Variants in GALNT13 observed in about 807,000 individuals in gnomAD.
GALNT13 encodes the protein polypeptide N-acetylgalactosaminyltransferase 13.
In GALNT13, 28 loss-of-function variants were observed where a neutral mutation model predicts 64.2. That is an observed-to-expected ratio of 0.44 (90% CI 0.32 to 0.60). The LOEUF (loss-of-function observed/expected upper bound fraction) is 0.60. GALNT13 is among the 20% of genes least tolerant of loss of function. The pLI is 0.05. For missense variants in GALNT13, 577 were observed against 669.8 expected (o/e 0.86, Z 1.53); for synonymous variants, 214 against 224.6 (o/e 0.95, Z 0.42).
intron 4 of GALNT13, among the ~76,000 whole-genome samples, chr2:154,179,293 G>A (rs1328018310): frequency 6.6e-6 from 1 of 151,950 alleles, no homozygotes. Flanking sequence ...TATTTTCCTA[G>A]CATATAGTAA....
At chr2:153,442,913 T>A in the GALNT13 span, among the ~76,000 whole-genome samples, 1 of 152,182 alleles carries the variant, frequency 6.6e-6, no homozygotes, top group Non-Finnish European at 1.5e-5. Context: ...AGCTCGAGTG[T>A]CCCTGGTTGA....
chr2:154,092,694 AT>A (rs535664423), intron 3 of GALNT13, among the ~76,000 whole-genome samples: 9 of 152,200 alleles, frequency 5.9e-5, no homozygotes, highest in African/African-American at 2.2e-4. Flanking sequence ...AGAAATTTAC[AT>A]TTACAGAGAA....
chr2:154,009,145 T>C (rs1696453772), intron 3 of GALNT13, among the ~76,000 whole-genome samples: 2 of 150,390 alleles, frequency 1.3e-5, no homozygotes, highest in Non-Finnish European at 2.9e-5. Flanking sequence ...ATTTATTGAA[T>C]AGAAAGTCCT....
At chr2:153,711,775 C>T in the GALNT13 span, among the ~76,000 whole-genome samples, 12 of 152,098 alleles carry the variant, frequency 7.9e-5, no homozygotes, top group Admixed American at 2.0e-4. Flanking sequence ...TAATAAGGGT[C>T]CATCCCCTCT....
At chr2:154,201,497 G>A (rs1449665785) in intron 4 of GALNT13, among the ~76,000 whole-genome samples, 2 of 152,028 alleles carry the variant, frequency 1.3e-5, no homozygotes, top group East Asian at 1.9e-4. Flanking sequence ...CACATGCATA[G>A]CATCACCTTC....
the GALNT13 span, among the ~76,000 whole-genome samples, chr2:153,533,948 G>A: frequency 6.6e-6 from 1 of 150,784 alleles, no homozygotes; most frequent in Non-Finnish European, 1.5e-5. Flanking sequence ...ATATTGCCCA[G>A]GCAGGTCTCG....
the GALNT13 span, among the ~76,000 whole-genome samples, chr2:153,193,286 C>T: frequency 6.6e-6 from 1 of 151,686 alleles, no homozygotes; most frequent in Non-Finnish European, 1.5e-5. Flanking sequence ...ATGATGAGTT[C>T]ATGTCCTTTG....
At chr2:153,809,407 T>C in the GALNT13 span, among the ~76,000 whole-genome samples, 1 of 152,312 alleles carries the variant, frequency 6.6e-6, no homozygotes, top group African/African-American at 2.4e-5. Flanking sequence ...TCTCTGTGAT[T>C]CTCTTGGCTG....
chr2:153,637,340 A>T, the GALNT13 span, among the ~76,000 whole-genome samples: 1 of 152,154 alleles, frequency 6.6e-6, no homozygotes, highest in African/African-American at 2.4e-5. Flanking sequence ...TAATTAACTA[A>T]CAGTACCTCA....
At chr2:153,490,895 G>C in the GALNT13 span, among the ~76,000 whole-genome samples, 1 of 151,412 alleles carries the variant, frequency 6.6e-6, no homozygotes, top group Non-Finnish European at 1.5e-5. Context: ...AGGACCCAGA[G>C]GTTGCAATGA....
chr2:153,288,409 T>C, the GALNT13 span, among the ~76,000 whole-genome samples: 1 of 152,204 alleles, frequency 6.6e-6, no homozygotes, highest in African/African-American at 2.4e-5. Context: ...TGAAAATAAA[T>C]TTAAAATTCT....
At chr2:154,235,083 G>A (rs1368512129) in intron 4 of GALNT13, among the ~76,000 whole-genome samples, 4 of 152,052 alleles carry the variant, frequency 2.6e-5, no homozygotes, top group South Asian at 2.1e-4. Flanking sequence ...TATTTCCAAT[G>A]GAAGCCAAGA....
chr2:153,440,403 A>G, the GALNT13 span, among the ~76,000 whole-genome samples: 4 of 152,174 alleles, frequency 2.6e-5, no homozygotes, highest in African/African-American at 4.8e-5. Flanking sequence ...CAGTGTTGCA[A>G]TAAACATATG....
At chr2:153,297,485 C>T in the GALNT13 span, among the ~76,000 whole-genome samples, 9 of 152,092 alleles carry the variant, frequency 5.9e-5, no homozygotes, top group Non-Finnish European at 1.0e-4. Context: ...ATTCAGCACA[C>T]AACAGGGAGG....
the GALNT13 span, among the ~76,000 whole-genome samples, chr2:153,313,818 C>T: frequency 6.6e-6 from 1 of 152,284 alleles, no homozygotes; most frequent in East Asian, 1.9e-4. Context: ...GTAAAAATTA[C>T]ATCGGCATTT....
At chr2:153,263,893 A>G in the GALNT13 span, among the ~76,000 whole-genome samples, 1 of 152,234 alleles carries the variant, frequency 6.6e-6, no homozygotes, top group Non-Finnish European at 1.5e-5. Flanking sequence ...ACAATCAAAG[A>G]TTTCATGATG....
chr2:154,248,566 T>C (rs1273577804), intron 7 of GALNT13, among the ~76,000 whole-genome samples: 1 of 150,362 alleles, frequency 6.7e-6, no homozygotes, highest in Admixed American at 6.6e-5. Context: ...TCTGTAGAAG[T>C]GTTTTATTTG....
the GALNT13 span, among the ~76,000 whole-genome samples, chr2:153,257,982 T>C: frequency 6.6e-6 from 1 of 152,092 alleles, no homozygotes; most frequent in Non-Finnish European, 1.5e-5. Flanking sequence ...GTAAAGAATG[T>C]CACTTTCTAA....
At position 154,450,401 on chromosome 2, in the gene GALNT13, T is replaced by A. The variant is rs1273824961; in HGVS notation, c.1531-10T>A. 1 of 1,604,274 alleles carries A rather than the reference T, an allele frequency of 6.2e-7. No individual in the cohort carries two copies. Among genetic ancestry groups the A allele is most frequent in the Non-Finnish European group, 8.5e-7 (1 of 1,176,162 alleles). ...AATAAGCTGCACTGATTATTGGTTA[T>A]CTTTTACAGAGACTCACGTTGCGAC... is the stretch of plus-strand genomic sequence containing the variant. On this transcript the variant is annotated splice_polypyrimidine_tract_variant and intron_variant, in intron 12 of 12. Transcript: ENST00000392825.
Sources: gnomAD v4.1 joint callset for allele counts (sites outside exome capture counted in the v4.1 genomes callset) on GRCh38, gnomAD v4.1.1 for gene constraint, MANE v1.5 for transcripts, NCBI Gene and HGNC (gene_info 2026-07-23, HGNC 2026-07-21) for gene names.